The following UBP1 variants were observed in gnomAD, a reference collection of about 807,000 sequenced individuals.
UBP1 encodes the protein upstream binding protein 1.
In UBP1, 22 loss-of-function variants were observed where a neutral mutation model predicts 76.1. That is an observed-to-expected ratio of 0.29 (90% CI 0.21 to 0.41). The LOEUF (loss-of-function observed/expected upper bound fraction) is 0.41. UBP1 is among the 10% of genes least tolerant of loss of function. UBP1 has a pLI of 1.00. For missense variants in UBP1, 436 were observed against 668.1 expected (o/e 0.65, Z 3.83); for synonymous variants, 224 against 237.1 (o/e 0.94, Z 0.51).
At chr3:33,397,334 G>C (rs999660756) in intron 11 of UBP1, 199 bp from the exon 12 acceptor site, 7 of 430,192 alleles carry the variant, frequency 1.6e-5, no homozygotes, top group African/African-American at 1.4e-4. Flanking sequence ...TCCATGTCCT[G>C]TATCAAGAAG....
chr3:33,416,634 A>T, intron 3 of UBP1, 124 bp downstream of exon 3: 1 of 712,240 alleles, frequency 1.4e-6, no homozygotes. Flanking sequence ...AATAAACAAA[A>T]TATAGCTCAT....
chr3:33,397,649 A>G (rs2044058488), intron 11 of UBP1: 1 of 152,196 alleles, frequency 6.6e-6, no homozygotes, highest in South Asian at 2.1e-4. Flanking sequence ...AAAGTCAAAC[A>G]TGTTAAATTT....
chr3:33,396,053 T>A, intron 13 of UBP1, 109 bp downstream of exon 13: 1 of 991,642 alleles, frequency 1.0e-6, no homozygotes, highest in Non-Finnish European at 1.4e-6. Flanking sequence ...ATGAGCAACT[T>A]GGCATTCCTA....
At chr3:33,395,762 A>AAAG (rs1345399368) in intron 13 of UBP1, among the ~76,000 whole-genome samples, 3 of 151,060 alleles carry the variant, frequency 2.0e-5, no homozygotes, top group Non-Finnish European at 4.4e-5. Flanking sequence ...AAAAAAAAAA[A>AAAG]AAAAAAAAAA....
At position 33,388,744 on chromosome 3, in the gene UBP1, AG is replaced by A. The variant is rs2043631790; in HGVS notation, c.*1586del. The A allele has an allele frequency of 6.6e-6, 1 of 152,260 alleles. No homozygotes were observed. The highest frequency in any genetic ancestry group is 1.5e-5 in the Non-Finnish European group (1 of 68,050). The allele number at this position is 152,260 out of a possible 1,614,324, so 9.4% of individuals were successfully genotyped here. A position where few individuals can be genotyped will look rare whatever the true frequency, so the allele number is the denominator to read the frequency against. ...AAAACTCTCTGCCTATAGGATCTAT[AG>A]GAGTTACAGATATTTTCAAATCGAT... is the stretch of plus-strand genomic sequence containing the variant. On this transcript the variant is annotated 3_prime_UTR_variant, in exon 16 of 16. Transcript: ENST00000283629.
At chr3:33,425,038 C>CA (rs2044988774) in intron 2 of UBP1, among the ~76,000 whole-genome samples, 1 of 151,624 alleles carries the variant, frequency 6.6e-6, no homozygotes. Context: ...GAGCAAAACT[C>CA]AGTCTCAAAA....
chr3:33,401,947 C>T (rs975795031), intron 9 of UBP1, among the ~76,000 whole-genome samples: 8 of 152,330 alleles, frequency 5.3e-5, no homozygotes, highest in African/African-American at 1.9e-4. Flanking sequence ...TATTTTTCTA[C>T]TCTTAAAGCA....
At chr3:33,392,750 T>G in intron 14 of UBP1, 136 bp from the exon 15 acceptor site, 1 of 776,732 alleles carries the variant, frequency 1.3e-6, no homozygotes, top group Non-Finnish European at 2.0e-6. Context: ...GAAGGCAGTG[T>G]GAGGCAGCAA....
At chr3:33,391,421 T>G (rs971932045) in intron 15 of UBP1, 1 of 152,220 alleles carries the variant, frequency 6.6e-6, no homozygotes, top group East Asian at 1.9e-4. Flanking sequence ...ATTCTCTCCC[T>G]AAATGACCTT....
At chr3:33,440,918 C>CT (rs2045291687), upstream of UBP1, 1 of 152,220 alleles carries the variant, frequency 6.6e-6, no homozygotes, top group Non-Finnish European at 1.5e-5. Context: ...GCGGTTTGCA[C>CT]CCCATCTGGT....
chr3:33,403,095 T>A, intron 8 of UBP1, 191 bp from the exon 9 acceptor site: 1 of 543,072 alleles, frequency 1.8e-6, no homozygotes, highest in Non-Finnish European at 3.3e-6. Context: ...GCTGTGTGCG[T>A]CTAGACACTG....
intron 11 of UBP1, chr3:33,397,488 C>G (rs2044048992): frequency 6.2e-6 from 1 of 162,472 alleles, no homozygotes; most frequent in Admixed American, 6.4e-5. Flanking sequence ...ACCCACCCCA[C>G]AGAAACAAAC....
At chr3:33,393,643 A>C (rs937065618) in intron 13 of UBP1, among the ~76,000 whole-genome samples, 189 bp from the exon 14 acceptor site, 3 of 152,216 alleles carry the variant, frequency 2.0e-5, no homozygotes, top group African/African-American at 7.2e-5. Context: ...TACCAATCTA[A>C]AACGTAAGAA....
intron 1 of UBP1, among the ~76,000 whole-genome samples, chr3:33,429,056 T>TTAC (rs2045068703): frequency 6.6e-6 from 1 of 152,198 alleles, no homozygotes; most frequent in African/African-American, 2.4e-5. Flanking sequence ...TATACATGAC[T>TTAC]TACTAACTTT....
rs2154060649 is a variant in UBP1 at position 33,440,341 on chromosome 3, A to C, written c.-493T>G. ...CACACCGCCCCGGCCAACCCCGCCG[A>C]CGCCGCTCTGCCGGCCGGACGCTGG... On this transcript the variant is annotated 5_prime_UTR_variant, in exon 1 of 16. Coordinates refer to ENST00000283629, the MANE Select transcript of UBP1 (RefSeq NM_014517.5). The C allele has an allele frequency of 6.8e-6, 1 of 147,984 alleles. No individual in the cohort carries two copies. The highest frequency in any genetic ancestry group is 2.1e-4 in the South Asian group (1 of 4,714). 9.2% of individuals were successfully genotyped at this position (147,984 alleles called of 1,614,324 possible).
intron 1 of UBP1, among the ~76,000 whole-genome samples, chr3:33,427,833 A>G (rs2045044858): frequency 6.6e-6 from 1 of 152,216 alleles, no homozygotes; most frequent in Non-Finnish European, 1.5e-5. Context: ...AGTTCTCTCA[A>G]CACCTTGACC....
intron 8 of UBP1, among the ~76,000 whole-genome samples, chr3:33,407,368 A>G (rs1409373083): frequency 6.6e-6 from 1 of 152,150 alleles, no homozygotes; most frequent in Non-Finnish European, 1.5e-5. Flanking sequence ...TTATTAGTTA[A>G]ATGGTTTATA....
chr3:33,431,812 T>C (rs76737160), intron 1 of UBP1, among the ~76,000 whole-genome samples: 77 of 149,618 alleles, frequency 5.1e-4, no homozygotes, highest in Non-Finnish European at 7.4e-4. Context: ...CAGTTGAAAA[T>C]AGGCATGGCA....
intron 3 of UBP1, among the ~76,000 whole-genome samples, chr3:33,414,475 A>G (rs1308916360): frequency 6.6e-6 from 1 of 152,220 alleles, no homozygotes; most frequent in Non-Finnish European, 1.5e-5. Flanking sequence ...CAGAGAAAGC[A>G]CATTGCTAAA....
Sources: gnomAD v4.1 joint callset for allele counts (sites outside exome capture counted in the v4.1 genomes callset) on GRCh38, gnomAD v4.1.1 for gene constraint, MANE v1.5 for transcripts, NCBI Gene and HGNC (gene_info 2026-07-23, HGNC 2026-07-21) for gene names.